The following KANSL1L variants were observed in gnomAD, a reference collection of about 807,000 sequenced individuals.
KANSL1L encodes KAT8 regulatory NSL complex subunit 1-like protein.
A neutral mutation model predicts 108.6 loss-of-function variants in KANSL1L; 25 were observed. That is an observed-to-expected ratio of 0.23 (90% CI 0.17 to 0.32). The LOEUF is 0.32. KANSL1L is among the 10% of genes least tolerant of loss of function. The probability of loss-of-function intolerance (pLI) is 1.00; values close to 1 mark genes in which losing one functional copy is unlikely to be tolerated. For missense variants in KANSL1L, 1,137 were observed against 1,125.7 expected, an observed-to-expected ratio of 1.01 and a Z score of -0.14; for synonymous variants, 405 against 395.1, an observed-to-expected ratio of 1.03 and a Z score of -0.30.
chr2:210,122,716 C>G (rs1427223535), intron 3 of KANSL1L, among the ~76,000 whole-genome samples: 3 of 152,002 alleles, frequency 2.0e-5, no homozygotes, highest in African/African-American at 7.2e-5. Context: ...AAAGCCTCTG[C>G]ATAGCAAAAG....
At chr2:210,073,461 T>A (rs905308133) in intron 6 of KANSL1L, among the ~76,000 whole-genome samples, 2 of 151,390 alleles carry the variant, frequency 1.3e-5, no homozygotes, top group African/African-American at 4.9e-5. Context: ...TTTGGGAGGC[T>A]AAGGCAGGAG....
At chr2:210,062,854 G>A (rs1318283249) in intron 6 of KANSL1L, among the ~76,000 whole-genome samples, 1 of 152,098 alleles carries the variant, frequency 6.6e-6, no homozygotes, top group African/African-American at 2.4e-5. Context: ...GCAGCCTGAC[G>A]ATACAATAGA....
At chr2:210,036,638 A>G (rs1162278763) in intron 8 of KANSL1L, among the ~76,000 whole-genome samples, 1 of 152,196 alleles carries the variant, frequency 6.6e-6, no homozygotes, top group Admixed American at 6.5e-5. Flanking sequence ...TCTGAACTCA[A>G]ATCACTAACA....
chr2:210,062,007 C>G (rs1229976432), intron 6 of KANSL1L, among the ~76,000 whole-genome samples: 1 of 152,114 alleles, frequency 6.6e-6, no homozygotes, highest in Non-Finnish European at 1.5e-5. Context: ...TTCAGTTTCT[C>G]TAAGTAAAAT....
chr2:210,128,976 G>A, intron 3 of KANSL1L, 55 bp downstream of exon 3: 1 of 1,376,096 alleles, frequency 7.3e-7, no homozygotes, highest in Non-Finnish European at 1.0e-6. Flanking sequence ...AAATGAGAAG[G>A]AATGAAAACA....
At position 210,163,325 on chromosome 2, in the gene KANSL1L, TA is replaced by T. The variant is rs1326458191; in HGVS notation, c.-30+7823del. Among the ~76,000 whole-genome samples the T allele has an allele frequency of 2.0e-5, 3 of 152,036 alleles. 1 individual carries two copies. Among genetic ancestry groups the T allele is most frequent in the Non-Finnish European group, 4.4e-5 (3 of 67,982 alleles). On this transcript the variant is annotated intron_variant, in intron 1 of 14. Transcript: ENST00000281772. The stretch of plus-strand genomic sequence containing the variant: ...AGAGATGGAAATTCTAAAAAGAGAA[TA>T]AAAATGAAATGCTAGAAATCAAAAA...
At chr2:210,133,680 T>C (rs557061872) in intron 2 of KANSL1L, among the ~76,000 whole-genome samples, 1 of 152,086 alleles carries the variant, frequency 6.6e-6, no homozygotes, top group Non-Finnish European at 1.5e-5. Flanking sequence ...AATACAAACA[T>C]GTATAGCCAT....
chr2:210,100,290 C>T (rs1459087933), intron 4 of KANSL1L, among the ~76,000 whole-genome samples: 1 of 152,110 alleles, frequency 6.6e-6, no homozygotes, highest in Non-Finnish European at 1.5e-5. Flanking sequence ...CCCCACCCTG[C>T]GGAAAAATTG....
intron 1 of KANSL1L, among the ~76,000 whole-genome samples, chr2:210,157,847 CA>C (rs1168288372): frequency 1.5e-4 from 23 of 150,624 alleles, no homozygotes; most frequent in Admixed American, 1.5e-3. Context: ...CCAGGCTCTG[CA>C]AAAAAATGAT....
rs987708957 is a variant in KANSL1L at position 210,094,827 on chromosome 2, T to TA, written c.1550+3258dup. Among the ~76,000 whole-genome samples, 658 of 145,778 alleles carry TA rather than the reference T, an allele frequency of 4.5e-3. 8 individuals are homozygous for TA. Among genetic ancestry groups the TA allele is most frequent in the African/African-American group, 0.015 (607 of 40,042 alleles). On this transcript the variant is annotated intron_variant, in intron 5 of 14. Transcript: ENST00000281772. The stretch of plus-strand genomic sequence containing the variant: ...ATAAACATATTTATAGTTAAGGGAT[T>TA]AAAAAAAAAAAATTCTTAGAAACCA...
At chr2:210,047,200 T>G (rs979466370) in intron 6 of KANSL1L, among the ~76,000 whole-genome samples, 1 of 152,222 alleles carries the variant, frequency 6.6e-6, no homozygotes, top group South Asian at 2.1e-4. Flanking sequence ...CCCTCAGTGT[T>G]TTCTCCAAAG....
At chr2:210,099,248 AGT>A (rs1360754501) in intron 4 of KANSL1L, among the ~76,000 whole-genome samples, 5 of 152,168 alleles carry the variant, frequency 3.3e-5, no homozygotes, top group Non-Finnish European at 7.4e-5. Context: ...CACTTAATAT[AGT>A]GTGACCAACT....
At chr2:210,053,045 A>G (rs1354628777) in intron 6 of KANSL1L, among the ~76,000 whole-genome samples, 1 of 152,222 alleles carries the variant, frequency 6.6e-6, no homozygotes, top group African/African-American at 2.4e-5. Context: ...ATTCATGTTA[A>G]GCAGATGCTA....
intron 12 of KANSL1L, 24 bp from the exon 13 acceptor site, chr2:210,025,240 TG>T: frequency 2.2e-6 from 3 of 1,362,896 alleles, no homozygotes; most frequent in Non-Finnish European, 3.2e-6. Flanking sequence ...TAAAGATTTT[TG>T]TTTTAATCAG....
chr2:210,060,463 G>T (rs1296203771), intron 6 of KANSL1L, among the ~76,000 whole-genome samples: 1 of 152,138 alleles, frequency 6.6e-6, no homozygotes, highest in African/African-American at 2.4e-5. Context: ...AATATGAAAT[G>T]GCTTGTGGAT....
At chr2:210,045,646 C>T (rs778294066) in intron 6 of KANSL1L, among the ~76,000 whole-genome samples, 3 of 152,050 alleles carry the variant, frequency 2.0e-5, no homozygotes, top group Non-Finnish European at 2.9e-5. Flanking sequence ...TTGCTTTCTC[C>T]GAATTCTCTC....
chr2:210,099,351 A>G (rs1236221853), intron 4 of KANSL1L, among the ~76,000 whole-genome samples: 1 of 152,200 alleles, frequency 6.6e-6, no homozygotes, highest in Non-Finnish European at 1.5e-5. Context: ...TTATTTTAGA[A>G]TGCTTCATTT....
At chr2:210,061,846 C>CTT (rs1335173126) in intron 6 of KANSL1L, among the ~76,000 whole-genome samples, 1 of 152,096 alleles carries the variant, frequency 6.6e-6, no homozygotes, top group Non-Finnish European at 1.5e-5. Flanking sequence ...CTGAAAAACT[C>CTT]ATAAAAGATT....
At chr2:210,045,818 GC>G (rs1357253732) in intron 6 of KANSL1L, among the ~76,000 whole-genome samples, 2 of 151,774 alleles carry the variant, frequency 1.3e-5, no homozygotes, top group Admixed American at 6.6e-5. Context: ...TTTTATTACT[GC>G]CCCCACTTGA....
Sources: allele counts gnomAD v4.1 joint callset (sites outside exome capture counted in the v4.1 genomes callset), GRCh38; gene constraint gnomAD v4.1.1; transcripts MANE v1.5; gene names NCBI Gene and HGNC (gene_info 2026-07-23, HGNC 2026-07-21).